Variants in APEH observed in about 807,000 individuals in gnomAD.
APEH encodes acylaminoacyl-peptide hydrolase, also known as acylamino-acid-releasing enzyme.
APEH carries 75 observed loss-of-function variants against 102.7 expected under a neutral mutation model. That is an observed-to-expected ratio of 0.73 (90% CI 0.61 to 0.89). The LOEUF (loss-of-function observed/expected upper bound fraction) is 0.89. Among genes scored for constraint, APEH ranks in the 40% least tolerant of loss-of-function variants. The pLI is 0.00. For missense variants in APEH, 863 were observed against 941.2 expected, an observed-to-expected ratio of 0.92 and a Z score of 1.09; for synonymous variants, 344 against 362.7, an observed-to-expected ratio of 0.95 and a Z score of 0.59.
chr3:49,683,760 A>T lies in APEH; in HGVS notation c.*418A>T, dbSNP rs1211148382. The T allele has an allele frequency of 3.8e-6, 2 of 531,204 alleles. No individual in the cohort carries two copies. The highest frequency in any genetic ancestry group is 6.7e-6 in the Non-Finnish European group (2 of 298,628). 32.9% of individuals were successfully genotyped at this position (531,204 alleles called of 1,614,324 possible). On this transcript the variant is annotated 3_prime_UTR_variant, in exon 22 of 22. Transcript: ENST00000296456. ...CCCTTCCCAAGAGTATGTCTGGAGG[A>T]CTAGTGTGAGGCCCTGTCTTTCCAC...
chr3:49,674,694 C>T, intron 2 of APEH, 73 bp downstream of exon 2: 1 of 1,551,490 alleles, frequency 6.4e-7, no homozygotes. Context: ...GTGTGGAGGG[C>T]TCGCTGCTTG....
In APEH at chr3:49,676,714, G is replaced by T; in HGVS notation, c.836+14G>T. ...CACCAATCGCAGGTGAGGGAGTGGG[G>T]CAAGGCAAGGGGCCTTGCAGCCCAG... On this transcript the variant is annotated intron_variant, in intron 8 of 21. Transcript: ENST00000296456. The T allele has an allele frequency of 6.2e-7, 1 of 1,614,254 alleles. No homozygotes were observed. The highest frequency in any genetic ancestry group is 8.5e-7 in the Non-Finnish European group (1 of 1,180,032).
chr3:49,680,547 C>A lies in APEH; in HGVS notation c.1217C>A (p.Ser406Ter). 1.2e-6 allele frequency: 2 copies of A among 1,614,006 alleles called. No homozygotes were observed. The highest frequency in any genetic ancestry group is 1.1e-5 in the South Asian group (1 of 91,066). The change falls in exon 14 of 22, where the codon TCA (serine) becomes TAA (stop). Residue 406 changes from serine to a stop codon, truncating the protein, a stop_gained. Coordinates refer to ENST00000296456, the MANE Select transcript of APEH (RefSeq NM_001640.4). LOFTEE classifies it high-confidence loss of function. ...TGGCATCTGCCTTTTCCAGGAGGGT[C>A]AGGTGGGAGCTGGAAGTTGCTCACA... is the stretch of plus-strand genomic sequence containing the variant. ...GTVTSLTAGG[S>*]GGSWKLLTID...
chr3:49,682,529 T>C lies in APEH; in HGVS notation c.1693-17T>C. On this transcript the variant is annotated splice_polypyrimidine_tract_variant and intron_variant, in intron 18 of 21. Coordinates refer to ENST00000296456, the MANE Select transcript of APEH (RefSeq NM_001640.4). ...GAGCGGGCAGCTGGCTGCAGCATGC[T>C]TTGTCCCACCCTGCAGTTTGCAGTG... The C allele has an allele frequency of 6.2e-7, 1 of 1,613,830 alleles. No individual in the cohort carries two copies. The highest frequency in any genetic ancestry group is 8.5e-7 in the Non-Finnish European group (1 of 1,179,788).
intron 15 of APEH, 38 bp downstream of exon 15, chr3:49,681,277 G>A: frequency 6.6e-7 from 1 of 1,508,438 alleles, no homozygotes; most frequent in South Asian, 1.3e-5. Flanking sequence ...CCTTCTCCAG[G>A]TTCCCCAGCA....
upstream of APEH, among the ~76,000 whole-genome samples, chr3:49,673,466 C>G (rs1413126133): frequency 2.0e-5 from 3 of 152,114 alleles, no homozygotes; most frequent in Non-Finnish European, 4.4e-5. Context: ...CAGGGACCCA[C>G]CAGCTCACGG....
chr3:49,676,066 C>T lies in APEH; in HGVS notation c.453C>T (p.Gly151=), dbSNP rs1347074578. The T allele has an allele frequency of 6.2e-7, 1 of 1,614,200 alleles. No individual in the cohort carries two copies. The highest frequency in any genetic ancestry group is 1.3e-5 in the African/African-American group (1 of 75,062). The part of the protein sequence containing the change: ...HGPVYEDDCF[G]CLSWSHSETH... Reference sequence around the variant, plus strand: ...CCTCCCTGCACCCAGACTGCTTTGGCTGCCTGTCCTGGTCGCACTCGGAGA... The same window carrying T: ...CCTCCCTGCACCCAGACTGCTTTGGTTGCCTGTCCTGGTCGCACTCGGAGA... Residue 151 remains glycine, a synonymous_variant, in exon 6 of 22, where the codon GGC becomes GGT. Transcript: ENST00000296456.
chr3:49,682,062 TC>T, intron 17 of APEH, 95 bp downstream of exon 17: 1 of 1,363,920 alleles, frequency 7.3e-7, no homozygotes, highest in Non-Finnish European at 1.0e-6. Context: ...CACTCTAGTC[TC>T]CAGGACTTTC....
Position 49,680,526 on chromosome 3 carries a change from A to T in APEH, c.1211-15A>T. 1 of 1,612,368 alleles carries T rather than the reference A, an allele frequency of 6.2e-7. No individual in the cohort carries two copies. The highest frequency in any genetic ancestry group is 8.5e-7 in the Non-Finnish European group (1 of 1,178,446). Reference sequence around the variant, plus strand: ...TGGCTCCTGCTAAGCACTTAATGGCATCTGCCTTTTCCAGGAGGGTCAGGT... The same window carrying T: ...TGGCTCCTGCTAAGCACTTAATGGCTTCTGCCTTTTCCAGGAGGGTCAGGT... On this transcript the variant is annotated splice_polypyrimidine_tract_variant and intron_variant, in intron 13 of 21. Coordinates refer to ENST00000296456, the MANE Select transcript of APEH (RefSeq NM_001640.4).
chr3:49,681,572 A>G (rs764854219), intron 15 of APEH, 150 bp from the exon 16 acceptor site: 2 of 721,974 alleles, frequency 2.8e-6, no homozygotes, highest in South Asian at 2.1e-5. Flanking sequence ...CAGAAGAAGT[A>G]TGAGCCTTCT....
chr3:49,677,610 A>G lies in APEH; in HGVS notation c.1037A>G (p.Asp346Gly). Residue 346 changes from aspartate (D) to glycine (G), a missense_variant, in exon 11 of 22, where the codon GAT becomes GGT. By Grantham distance (94) the Asp-to-Gly change is moderately conservative (BLOSUM62 -1). Coordinates refer to ENST00000296456, the MANE Select transcript of APEH (RefSeq NM_001640.4). ...WYTKVTSVVV[D>G]VVPRQLGENF... ...ACCAAGGTTACCTCAGTGGTGGTAG[A>G]TGTTGTGCCTCGGCAGCTGGGAGGT... 2 of 1,613,898 alleles carry G rather than the reference A, an allele frequency of 1.2e-6. No homozygotes were observed. The highest frequency in any genetic ancestry group is 2.2e-5 in the East Asian group (1 of 44,884).
At chr3:49,675,822 G>A (rs2053015385) in intron 4 of APEH, 35 bp downstream of exon 4, 1 of 1,612,900 alleles carries the variant, frequency 6.2e-7, no homozygotes, top group South Asian at 1.1e-5. Context: ...TGGGTGACAA[G>A]AGAGAGGCTC....
upstream of APEH, chr3:49,674,205 C>G: frequency 1.5e-6 from 1 of 683,894 alleles, no homozygotes; most frequent in Non-Finnish European, 2.4e-6. Context: ...GGACTTCTCG[C>G]TCCCAGGCCG....
In APEH at chr3:49,675,302, C is replaced by CGGGG. The variant is rs768800917; in HGVS notation, c.268_271dup (p.Glu91GlyfsTer57). On this transcript the variant is annotated frameshift_variant, in exon 3 of 22. Transcript: ENST00000296456. LOFTEE classifies it high-confidence loss of function. ...ACCTGCAGGCAACAGTGTGGAGACCCGGGGGGAGTAAGTTTGAGGGAGGAA... is the reference window on the plus strand; with the variant it reads ...ACCTGCAGGCAACAGTGTGGAGACCCGGGGGGGGGGAGTAAGTTTGAGGGAGGAA... 1.1e-5 allele frequency: 17 copies of CGGGG among 1,613,458 alleles called. No individual in the cohort carries two copies. In the South Asian group the frequency reaches 1.8e-4, roughly 17 times the overall value.
intron 11 of APEH, among the ~76,000 whole-genome samples, chr3:49,678,043 A>T (rs766371509): frequency 6.6e-6 from 1 of 152,164 alleles, no homozygotes; most frequent in Non-Finnish European, 1.5e-5. Flanking sequence ...GCATGATATT[A>T]TCCCATCCAC....
Position 49,676,460 on chromosome 3 carries a change from A to G in APEH, c.689A>G (p.Glu230Gly). ...CCTGTGCTCTGCGTGCTGGATGTCG[A>G]GAGTGGCAACATCTCTGTGCTTGAG... ...SIPVLCVLDV[E>G]SGNISVLEGV... The change falls in exon 7 of 22, where the codon GAG (glutamate) becomes GGG (glycine). Residue 230 changes from glutamate to glycine, a missense_variant. By Grantham distance (98) the Glu-to-Gly change is moderately conservative. Transcript: ENST00000296456. The G allele has an allele frequency of 6.2e-7, 1 of 1,614,246 alleles. No homozygotes were observed. Among genetic ancestry groups the G allele is most frequent in the South Asian group, 1.1e-5 (1 of 91,088 alleles).
chr3:49,679,538 G>C lies in APEH; in HGVS notation c.1159-55G>C. The C allele has an allele frequency of 6.3e-7, 1 of 1,589,654 alleles. No individual in the cohort carries two copies. The highest frequency in any genetic ancestry group is 8.6e-7 in the Non-Finnish European group (1 of 1,158,552). On this transcript the variant is annotated intron_variant, in intron 12 of 21. Transcript: ENST00000296456. The surrounding 1 kb of genome is among the most constrained non-coding windows in gnomAD (Gnocchi z 4.3). ...AGAGGAGGTAGGGGAGGGACCCATA[G>C]GTAGAGGGAGTACTCTTGGATGTGG...
rs773955392 is a variant in APEH at position 49,676,929 on chromosome 3, G to A, written c.904G>A (p.Val302Ile). The A allele has an allele frequency of 6.2e-7, 1 of 1,614,220 alleles. No individual in the cohort carries two copies. Among genetic ancestry groups the A allele is most frequent in the Non-Finnish European group, 8.5e-7 (1 of 1,180,044 alleles). ...CELLSDDSLA[V>I]SSPRLSPDQC... ...GCTCCTCTCGGATGACTCCCTGGCT[G>A]TCTCTTCTCCCCGGCTGAGCCCAGA... Residue 302 changes from valine (V) to isoleucine (I), a missense_variant, in exon 10 of 22, where the codon GTC becomes ATC. Physicochemically the swap from Val to Ile is conservative, Grantham distance 29. Transcript: ENST00000296456.
At chr3:49,675,410 AGGTTCTTGCCCCCTT>A (rs2052984046) in intron 3 of APEH, 101 bp downstream of exon 3, 3 of 1,508,822 alleles carry the variant, frequency 2.0e-6, no homozygotes, top group Non-Finnish European at 2.7e-6. Context: ...GCCAGCAGCC[AGGTTCTTGCCCCCTT>A]GGGAGCTCAT....
Sources: allele counts gnomAD v4.1 joint callset (sites outside exome capture counted in the v4.1 genomes callset), GRCh38; gene constraint gnomAD v4.1.1; non-coding constraint Gnocchi (gnomAD v3.1); transcripts MANE v1.5; gene names NCBI Gene and HGNC (gene_info 2026-07-23, HGNC 2026-07-21).